MAPK10: variants seen among roughly 807,000 people sequenced by gnomAD.
MAPK10 encodes mitogen-activated protein kinase 10.
MAPK10 carries 25 observed loss-of-function variants against 59.3 expected under a neutral mutation model. The observed-to-expected ratio is 0.42, with a 90% CI of 0.31 to 0.59. MAPK10 has a LOEUF of 0.59. Among genes scored for constraint, MAPK10 ranks in the 20% least tolerant of loss-of-function variants. The probability of loss-of-function intolerance (pLI) is 0.15; values close to 1 mark genes in which losing one functional copy is unlikely to be tolerated. For synonymous variants in MAPK10, 190 were observed against 200.5 expected (o/e 0.95, Z 0.44); for missense variants, 351 against 568.9 (o/e 0.62, Z 3.90).
At chr4:86,329,439 A>G (rs2148910099) in intron 2 of MAPK10, among the ~76,000 whole-genome samples, 1 of 152,318 alleles carries the variant, frequency 6.6e-6, no homozygotes, top group South Asian at 2.1e-4. Flanking sequence ...TAGAGACACT[A>G]AATTGTGCAG....
chr4:86,265,275 G>A (rs955583545), intron 2 of MAPK10, among the ~76,000 whole-genome samples: 53 of 151,960 alleles, frequency 3.5e-4, no homozygotes, highest in Non-Finnish European at 6.9e-4. Context: ...AGCACTTTGG[G>A]AGGCAGGTGT....
intron 1 of MAPK10, among the ~76,000 whole-genome samples, chr4:86,439,181 G>A (rs1445293091): frequency 6.6e-6 from 1 of 151,958 alleles, no homozygotes; most frequent in Non-Finnish European, 1.5e-5. Flanking sequence ...TTTGAAAAAT[G>A]CATATAGTCA....
intron 11 of MAPK10, among the ~76,000 whole-genome samples, chr4:86,050,359 G>A (rs1300833247): frequency 6.6e-6 from 1 of 152,118 alleles, no homozygotes; most frequent in African/African-American, 2.4e-5. Context: ...TTCAATGGCA[G>A]CGTACACTTG....
intron 1 of MAPK10, among the ~76,000 whole-genome samples, chr4:86,548,402 C>G (rs758762710): frequency 3.6e-4 from 55 of 152,176 alleles, no homozygotes; most frequent in Non-Finnish European, 7.2e-4. Flanking sequence ...CAGCTTCATT[C>G]CTGAAGTCAG....
chr4:86,405,006 C>T (rs1252005290), intron 1 of MAPK10, among the ~76,000 whole-genome samples: 1 of 152,118 alleles, frequency 6.6e-6, no homozygotes, highest in Non-Finnish European at 1.5e-5. Flanking sequence ...ATCCTATTAT[C>T]CCAGGAGTTT....
At chr4:86,291,911 G>A (rs1308127030) in intron 2 of MAPK10, among the ~76,000 whole-genome samples, 1 of 152,036 alleles carries the variant, frequency 6.6e-6, no homozygotes, top group Non-Finnish European at 1.5e-5. Context: ...ATAAATTTTT[G>A]TACTTAAAGT....
At chr4:86,074,424 G>C (rs2048766739) in intron 9 of MAPK10, among the ~76,000 whole-genome samples, 1 of 151,104 alleles carries the variant, frequency 6.6e-6, no homozygotes, top group Non-Finnish European at 1.5e-5. Flanking sequence ...GTGTGAATTT[G>C]ATTCTGTCAT....
intron 1 of MAPK10, among the ~76,000 whole-genome samples, chr4:86,402,595 T>C (rs927259987): frequency 1.3e-5 from 2 of 152,020 alleles, no homozygotes; most frequent in African/African-American, 4.8e-5. Context: ...TAAGACAGGA[T>C]AAAACATTTA....
chr4:86,185,549 G>A (rs1294575461), intron 3 of MAPK10, among the ~76,000 whole-genome samples: 1 of 152,132 alleles, frequency 6.6e-6, no homozygotes, highest in Admixed American at 6.5e-5. Context: ...GTCAAGGAGT[G>A]ACATGATCTC....
In MAPK10 at chr4:86,336,940, G is replaced by A. The variant is rs181773241; in HGVS notation, c.-7+17590C>T. On this transcript the variant is annotated intron_variant, in intron 2 of 13. Coordinates refer to ENST00000641462, the MANE Select transcript of MAPK10 (RefSeq NM_138982.4). ...CAAGTAGCTGGGACTACAGGCGCCCGCCACCGCGCCTGCTAATTTTTTGTA... is the reference window on the plus strand; with the variant it reads ...CAAGTAGCTGGGACTACAGGCGCCCACCACCGCGCCTGCTAATTTTTTGTA... 3.2e-3 allele frequency among the ~76,000 whole-genome samples: 489 copies of A among 151,908 alleles called. 2 individuals carry two copies. Among genetic ancestry groups the A allele is most frequent in the African/African-American group, 0.011 (463 of 41,468 alleles).
At position 86,507,639 on chromosome 4, in the gene MAPK10, T is replaced by G. The variant is rs1380786338; in HGVS notation, c.-263+86271A>C. Among the ~76,000 whole-genome samples the G allele has an allele frequency of 3.6e-4, 29 of 80,544 alleles. 1 individual carries two copies. The highest frequency in any genetic ancestry group is 6.8e-4 in the Admixed American group (5 of 7,350). The allele number at this position is 80,544 out of a possible 152,430, so 52.8% of individuals were successfully genotyped here. A position where few individuals can be genotyped will look rare whatever the true frequency, so the allele number is the denominator to read the frequency against. ...AGATATATATATATATATATATATA[T>G]ATATATATATATATATATATATATA... On this transcript the variant is annotated intron_variant, in intron 1 of 4. Transcript: ENST00000502302.
intron 4 of MAPK10, among the ~76,000 whole-genome samples, chr4:86,157,120 C>T (rs557059237): frequency 6.6e-6 from 1 of 151,790 alleles, no homozygotes; most frequent in Non-Finnish European, 1.5e-5. Flanking sequence ...TTTAGTATTA[C>T]CTTTTCCCCC....
chr4:86,135,629 C>A lies in MAPK10; in HGVS notation c.236+23669G>T, dbSNP rs886402840. 9.2e-5 allele frequency among the ~76,000 whole-genome samples: 14 copies of A among 152,256 alleles called. No homozygotes were observed. The East Asian group carries it at 9.6e-4, about 10-fold the overall frequency. ...ACCGGAAACTCTAAAAAGCAGAGCG[C>A]CTCTCCTCCTCCAAAGGAACTCAGT... On this transcript the variant is annotated intron_variant, in intron 4 of 13. Coordinates refer to ENST00000641462, the MANE Select transcript of MAPK10 (RefSeq NM_138982.4).
intron 2 of MAPK10, among the ~76,000 whole-genome samples, chr4:86,212,122 A>C (rs2085986105): frequency 2.0e-5 from 3 of 152,058 alleles, no homozygotes; most frequent in Admixed American, 1.3e-4. Context: ...AAGTAGATTA[A>C]ATTCTTCTAT....
At chr4:86,572,888 TTA>T (rs1761573476) in intron 1 of MAPK10, among the ~76,000 whole-genome samples, 1 of 152,240 alleles carries the variant, frequency 6.6e-6, no homozygotes, top group Non-Finnish European at 1.5e-5. Flanking sequence ...ATTTTCCTAA[TTA>T]ATAATTTCGG....
At chr4:86,384,502 C>T (rs999963112) in intron 1 of MAPK10, among the ~76,000 whole-genome samples, 5 of 152,096 alleles carry the variant, frequency 3.3e-5, no homozygotes, top group Admixed American at 2.6e-4. Context: ...CTATGAAGTG[C>T]GGAAAGCGAG....
intron 2 of MAPK10, among the ~76,000 whole-genome samples, chr4:86,320,724 C>G (rs551687498): frequency 2.6e-5 from 4 of 152,232 alleles, no homozygotes; most frequent in African/African-American, 7.2e-5. Flanking sequence ...AGACATGAAG[C>G]CTTGCACATG....
At chr4:86,349,515 G>A (rs542008521) in intron 2 of MAPK10, among the ~76,000 whole-genome samples, 1 of 152,276 alleles carries the variant, frequency 6.6e-6, no homozygotes, top group South Asian at 2.1e-4. Flanking sequence ...AAGGTGGGAG[G>A]CAAAGCAGAC....
chr4:86,224,297 A>G (rs984818452), intron 2 of MAPK10, among the ~76,000 whole-genome samples: 3 of 152,238 alleles, frequency 2.0e-5, no homozygotes, highest in Non-Finnish European at 4.4e-5. Flanking sequence ...TTCAACTGTG[A>G]CAAATGCCGG....
Sources: allele counts gnomAD v4.1 joint callset (sites outside exome capture counted in the v4.1 genomes callset), GRCh38; gene constraint gnomAD v4.1.1; transcripts MANE v1.5; gene names NCBI Gene and HGNC (gene_info 2026-07-23, HGNC 2026-07-21).